Variants in PTPA observed in about 807,000 individuals in gnomAD.
PTPA encodes the protein protein phosphatase 2 phosphatase activator.
PTPA carries 13 observed loss-of-function variants against 43.6 expected under a neutral mutation model. That is an observed-to-expected ratio of 0.30 (90% CI 0.19 to 0.47). The LOEUF (loss-of-function observed/expected upper bound fraction) is 0.47. Among genes scored for constraint, PTPA ranks in the 20% least tolerant of loss-of-function variants. PTPA has a pLI of 0.99. For missense variants in PTPA, 329 were observed against 411.9 expected (o/e 0.80, Z 1.74); for synonymous variants, 172 against 158.2 (o/e 1.09, Z -0.66).
chr9:129,138,509 CCTCT>C (rs1850534991), intron 8 of PTPA, among the ~76,000 whole-genome samples: 1 of 152,158 alleles, frequency 6.6e-6, no homozygotes, highest in African/African-American at 2.4e-5. Context: ...GACTTCTCAT[CCTCT>C]CTGCCATCCC....
At chr9:129,110,985 G>A (rs778321843), upstream of PTPA, 2 of 1,371,234 alleles carry the variant, frequency 1.5e-6, no homozygotes, top group South Asian at 1.1e-5. The surrounding 1 kb of genome is among the most constrained non-coding windows in gnomAD (Gnocchi z 5.3). Flanking sequence ...GGAGGTCACC[G>A]TCCAGCTGTC....
chr9:129,137,463 C>A, intron 7 of PTPA, 129 bp from the exon 8 acceptor site: 1 of 661,248 alleles, frequency 1.5e-6, no homozygotes, highest in Non-Finnish European at 2.7e-6. Context: ...CTTATTGCTC[C>A]TTCAAGGTGA....
intron 1 of PTPA, among the ~76,000 whole-genome samples, chr9:129,116,612 C>T (rs1343527485): frequency 6.6e-6 from 1 of 152,146 alleles, no homozygotes; most frequent in African/African-American, 2.4e-5. Flanking sequence ...GTCTCGATCT[C>T]CTGACCTTGT....
At chr9:129,123,941 C>G (rs1849416867) in intron 3 of PTPA, among the ~76,000 whole-genome samples, 1 of 152,170 alleles carries the variant, frequency 6.6e-6, no homozygotes, top group South Asian at 2.1e-4. Context: ...CCTCGGCCTC[C>G]CAAAGTGCTG....
intron 1 of PTPA, among the ~76,000 whole-genome samples, chr9:129,118,797 G>A (rs937412593): frequency 3.3e-5 from 5 of 150,746 alleles, no homozygotes; most frequent in African/African-American, 1.2e-4. Flanking sequence ...TTACAGGTGT[G>A]AGCCACTATG....
In PTPA at chr9:129,120,594, A is replaced by C. The variant is rs766195898; in HGVS notation, c.113A>C (p.Lys38Thr). 1.1e-5 allele frequency: 18 copies of C among 1,613,154 alleles called. No individual in the cohort carries two copies. Among genetic ancestry groups the C allele is most frequent in the Non-Finnish European group, 1.5e-5 (18 of 1,179,168 alleles). The change falls in exon 2 of 10, where the codon AAA (lysine) becomes ACA (threonine). Residue 38 changes from lysine to threonine, a missense_variant. By Grantham distance (78) the Lys-to-Thr change is moderately conservative (BLOSUM62 -1). Coordinates refer to ENST00000393370, the MANE Select transcript of PTPA (RefSeq NM_178000.3). ...ATCCACACAGTTCCAGACATGGGCA[A>C]ATGGAAGCGTTCTCAGGTACCATTT... The part of the protein sequence containing the change: ...KEIHTVPDMG[K>T]WKRSQAYADY...
At chr9:129,127,894 T>C (rs1199080218) in intron 3 of PTPA, 2 of 1,043,792 alleles carry the variant, frequency 1.9e-6, no homozygotes, top group Non-Finnish European at 2.7e-6. Flanking sequence ...TTAAATTAAT[T>C]ATAATGCAGT....
chr9:129,142,305 A>T, intron 8 of PTPA, 140 bp from the exon 9 acceptor site: 1 of 731,038 alleles, frequency 1.4e-6, no homozygotes, highest in Non-Finnish European at 2.2e-6. Context: ...CTTGGTCCCC[A>T]AGTGTCTGCG....
At chr9:129,142,777 C>G in intron 9 of PTPA, 2 of 1,536,194 alleles carry the variant, frequency 1.3e-6, no homozygotes, top group Non-Finnish European at 1.7e-6. Flanking sequence ...AGCTGCAGTC[C>G]AGCTCTGTCC....
chr9:129,130,410 CT>C (rs11372763), intron 4 of PTPA, among the ~76,000 whole-genome samples: 247 of 141,562 alleles, frequency 1.7e-3, no homozygotes, highest in Middle Eastern at 3.7e-3. Context: ...GGTACATGAT[CT>C]TTTTTTTTTT....
chr9:129,136,693 T>G, intron 7 of PTPA, 98 bp downstream of exon 7: 1 of 1,372,536 alleles, frequency 7.3e-7, no homozygotes, highest in East Asian at 2.5e-5. Flanking sequence ...CCCTTCTTCC[T>G]GCCCAGGGCA....
At chr9:129,123,018 T>A (rs752982711) in intron 2 of PTPA, 34 bp from the exon 3 acceptor site, 5 of 1,513,440 alleles carry the variant, frequency 3.3e-6, no homozygotes, top group African/African-American at 1.4e-5. Context: ...CTGCCACCCC[T>A]CTCCCCATCC....
intron 1 of PTPA, among the ~76,000 whole-genome samples, chr9:129,119,939 G>A (rs938465468): frequency 6.6e-6 from 1 of 152,014 alleles, no homozygotes; most frequent in African/African-American, 2.4e-5. Context: ...TTATTCTAAG[G>A]CTCAGGTGTT....
At chr9:129,111,744 G>C in intron 1 of PTPA, 113 bp downstream of exon 1, 1 of 1,239,516 alleles carries the variant, frequency 8.1e-7, no homozygotes, top group Non-Finnish European at 1.0e-6. Flanking sequence ...AGGGGCAAAA[G>C]CTGAGGGGCC....
At chr9:129,118,380 A>T (rs548310017) in intron 1 of PTPA, among the ~76,000 whole-genome samples, 44 of 148,410 alleles carry the variant, frequency 3.0e-4, no homozygotes, top group Non-Finnish European at 5.8e-4. Context: ...TTAATAAAAA[A>T]TTTTTTTATT....
intron 1 of PTPA, among the ~76,000 whole-genome samples, 174 bp from the exon 2 acceptor site, chr9:129,120,339 G>T (rs1588491218): frequency 6.6e-6 from 1 of 151,270 alleles, no homozygotes; most frequent in African/African-American, 2.4e-5. Context: ...CAGGAGAATC[G>T]CTTGAACCCT....
intron 9 of PTPA, chr9:129,143,199 T>C (rs1851024303): frequency 1.6e-6 from 1 of 633,890 alleles, no homozygotes; most frequent in Non-Finnish European, 2.8e-6. Flanking sequence ...GGTGGCCTTT[T>C]CTCTCTTCCA....
At chr9:129,142,973 T>C (rs1851002827) in intron 9 of PTPA, 3 of 1,355,932 alleles carry the variant, frequency 2.2e-6, no homozygotes, top group Non-Finnish European at 2.9e-6. Flanking sequence ...TGCCTTCAAA[T>C]GTTAGTGTGT....
At chr9:129,132,285 A>G (rs1031838473) in intron 5 of PTPA, among the ~76,000 whole-genome samples, 2 of 152,140 alleles carry the variant, frequency 1.3e-5, no homozygotes, top group African/African-American at 4.8e-5. Context: ...GCAACGTAGC[A>G]AGACTCCATC....
Sources: allele counts gnomAD v4.1 joint callset (sites outside exome capture counted in the v4.1 genomes callset), GRCh38; gene constraint gnomAD v4.1.1; non-coding constraint Gnocchi (gnomAD v3.1); transcripts MANE v1.5; gene names NCBI Gene and HGNC (gene_info 2026-07-23, HGNC 2026-07-21).